The following LDHAL6B variants were observed in gnomAD, a reference collection of about 807,000 sequenced individuals.
The protein encoded by LDHAL6B is lactate dehydrogenase A like 6B.
For synonymous variants in LDHAL6B, 205 were observed against 170.6 expected, an observed-to-expected ratio of 1.20 and a Z score of -1.57; for missense variants, 523 against 473.9, an observed-to-expected ratio of 1.10 and a Z score of -0.96.
At position 59,207,395 on chromosome 15, in the gene LDHAL6B, G is replaced by A; in HGVS notation, c.455G>A (p.Gly152Glu). ...ACAGCAGGTGCACGCCAAGAAAAGGGAGAAACGCGCCTTAATTTAGTCCAG... is the reference window on the plus strand; with the variant it reads ...ACAGCAGGTGCACGCCAAGAAAAGGAAGAAACGCGCCTTAATTTAGTCCAG... ...IITAGARQEK[G>E]ETRLNLVQRN... The change falls in exon 1 of 1, where the codon GGA becomes GAA. Residue 152 changes from glycine (G) to glutamate (E), a missense_variant. Coordinates refer to ENST00000307144, the MANE Select transcript of LDHAL6B (RefSeq NM_033195.3). The A allele has an allele frequency of 6.2e-7, 1 of 1,614,038 alleles. No homozygotes were observed. Among genetic ancestry groups the A allele is most frequent in the Non-Finnish European group, 8.5e-7 (1 of 1,179,904 alleles).
At position 59,207,568 on chromosome 15, in the gene LDHAL6B, AGCG is replaced by A. The variant is rs2079846642; in HGVS notation, c.631_633del (p.Gly211del). On this transcript the variant is annotated inframe_deletion, in exon 1 of 1. Transcript: ENST00000307144. ...ATTTCCCAAAAACCGTATTATTGGA[AGCG>A]GCTGTAATCTGGATACTGCTCGTTT... is the stretch of plus-strand genomic sequence containing the variant. 9 of 1,614,126 alleles carry A rather than the reference AGCG, an allele frequency of 5.6e-6. No individual in the cohort carries two copies. In the East Asian group the frequency reaches 2.0e-4, roughly 36 times the overall value.
At chr15:59,207,603 CTT>C in the LDHAL6B span, 8 of 1,614,110 alleles carry the variant, frequency 5.0e-6, no homozygotes, top group Non-Finnish European at 6.8e-6. Context: ...GTTTTCGTTT[CTT>C]GATTGGACAA....
At position 59,207,496 on chromosome 15, in the gene LDHAL6B, T is replaced by G. The variant is rs1298775258; in HGVS notation, c.556T>G (p.Ser186Ala). Residue 186 changes from serine (S) to alanine (A), a missense_variant, in exon 1 of 1, where the codon TCC (serine) becomes GCC (alanine). Ser to Ala is a moderately conservative substitution (Grantham distance 99). Transcript: ENST00000307144. Reference protein sequence around the residue: ...YSPHCKLIIVSNPVDILTYVA... With the variant: ...YSPHCKLIIVANPVDILTYVA... ...CCCCCACTGCAAACTGATTATTGTT[T>G]CCAATCCAGTGGATATCTTAACTTA... is the stretch of plus-strand genomic sequence containing the variant. 2 of 1,614,042 alleles carry G rather than the reference T, an allele frequency of 1.2e-6. No individual in the cohort carries two copies. Among genetic ancestry groups the G allele is most frequent in the Non-Finnish European group, 1.7e-6 (2 of 1,179,908 alleles).
Position 59,207,678 on chromosome 15 carries a change from T to C in LDHAL6B, c.738T>C (p.Ser246=). 6.2e-7 allele frequency: 1 copy of C among 1,614,212 alleles called. No homozygotes were observed. The highest frequency in any genetic ancestry group is 8.5e-7 in the Non-Finnish European group (1 of 1,180,030). ...TCCTCGGAGAGCATGGAGACTCAAG[T>C]GTTCCTGTGTGGAGTGGAGTGAACA... is the stretch of plus-strand genomic sequence containing the variant. ...GWILGEHGDS[S]VPVWSGVNIA... Residue 246 remains serine (S), a synonymous_variant, in exon 1 of 1, where the codon AGT becomes AGC. Transcript: ENST00000307144.
In LDHAL6B at chr15:59,207,450, T is replaced by G; in HGVS notation, c.510T>G (p.Ile170Met). The G allele has an allele frequency of 6.2e-7, 1 of 1,614,046 alleles. No individual in the cohort carries two copies. The highest frequency in any genetic ancestry group is 1.1e-5 in the South Asian group (1 of 91,082). Residue 170 changes from isoleucine (I) to methionine (M), a missense_variant, in exon 1 of 1, where the codon ATT (isoleucine) becomes ATG (methionine). By Grantham distance (10) the Ile-to-Met change is conservative. Coordinates refer to ENST00000307144, the MANE Select transcript of LDHAL6B (RefSeq NM_033195.3). The part of the protein sequence containing the change: ...QRNVAIFKLM[I>M]SSIVQYSPHC... The stretch of plus-strand genomic sequence containing the variant: ...ATGTGGCCATCTTCAAGTTAATGAT[T>G]TCCAGTATTGTCCAGTACAGCCCCC...
At position 59,208,153 on chromosome 15, in the gene LDHAL6B, T is replaced by G. The variant is rs376745688; in HGVS notation, c.*67T>G. ...TAGATACAGGATTATATAACGAAAT[T>G]TTGAATAAACTTGAATTCCTAAAAG... On this transcript the variant is annotated 3_prime_UTR_variant, in exon 1 of 1. Transcript: ENST00000307144. 176 of 1,394,822 alleles carry G rather than the reference T, an allele frequency of 1.3e-4. 2 individuals carry two copies. The East Asian group carries it at 3.6e-3, about 29-fold the overall frequency. 86.4% of individuals were successfully genotyped at this position (1,394,822 alleles called of 1,614,324 possible).
rs1420997553 is a variant in LDHAL6B at position 59,207,970 on chromosome 15, C to T, written c.1030C>T (p.Leu344=). 4 of 1,614,032 alleles carry T rather than the reference C, an allele frequency of 2.5e-6. No homozygotes were observed. Among genetic ancestry groups the T allele is most frequent in the African/African-American group, 1.3e-5 (1 of 75,012 alleles). The change falls in exon 1 of 1, where the codon CTG becomes TTG. Residue 344 remains leucine, a synonymous_variant. Transcript: ENST00000307144. ...AGTATTCCTCAGTATTCCTTGTATC[C>T]TGGGAGAGAACGGTATTACCAACCT... ...EEVFLSIPCI[L]GENGITNLIK... is the part of the protein sequence containing the mutation.
In LDHAL6B at chr15:59,208,534, C is replaced by CT; in HGVS notation, c.*452dup. 2 of 998,168 alleles carry CT rather than the reference C, an allele frequency of 2.0e-6. No individual in the cohort carries two copies. Among genetic ancestry groups the CT allele is most frequent in the South Asian group, 2.8e-5 (2 of 71,440 alleles). 61.8% of individuals were successfully genotyped at this position (998,168 alleles called of 1,614,324 possible). On this transcript the variant is annotated 3_prime_UTR_variant, in exon 1 of 1. Transcript: ENST00000307144. ...AAAAAAATGCAGTAGTATATACAAT[C>CT]TTTTGTTTTGCTTCCTTTGATAGTT...
chr15:59,207,551 A>G lies in LDHAL6B; in HGVS notation c.611A>G (p.Lys204Arg), dbSNP rs112956314. The G allele has an allele frequency of 1.2e-6, 2 of 1,614,096 alleles. No individual in the cohort carries two copies. Among genetic ancestry groups the G allele is most frequent in the African/African-American group, 2.7e-5 (2 of 75,042 alleles). ...YVAWKLSAFP[K>R]NRIIGSGCNL... is the part of the protein sequence containing the mutation. ...GCTTGGAAGTTGAGTGCATTTCCCA[A>G]AAACCGTATTATTGGAAGCGGCTGT... The change falls in exon 1 of 1, where the codon AAA becomes AGA. Residue 204 changes from lysine (K) to arginine (R), a missense_variant. Coordinates refer to ENST00000307144, the MANE Select transcript of LDHAL6B (RefSeq NM_033195.3).
In LDHAL6B at chr15:59,207,334, T is replaced by A. The variant is rs2079844140; in HGVS notation, c.394T>A (p.Tyr132Asn). 2 of 1,614,082 alleles carry A rather than the reference T, an allele frequency of 1.2e-6. No individual in the cohort carries two copies. The highest frequency in any genetic ancestry group is 1.7e-6 in the Non-Finnish European group (2 of 1,179,938). ...KMPNIVCSKD[Y>N]FVTANSNLVI... ...GCCAAATATTGTTTGTAGCAAAGATTACTTTGTCACAGCAAACTCCAACCT... is the reference window on the plus strand; with the variant it reads ...GCCAAATATTGTTTGTAGCAAAGATAACTTTGTCACAGCAAACTCCAACCT... The change falls in exon 1 of 1, where the codon TAC becomes AAC. Residue 132 changes from tyrosine to asparagine, a missense_variant. Tyr to Asn is a moderately radical substitution (Grantham distance 143). Transcript: ENST00000307144.
At position 59,206,859 on chromosome 15, in the gene LDHAL6B, T is replaced by C. The variant is rs1347612591; in HGVS notation, c.-82T>C. 1 of 1,429,266 alleles carries C rather than the reference T, an allele frequency of 7.0e-7. No individual in the cohort carries two copies. Among genetic ancestry groups the C allele is most frequent in the East Asian group, 2.4e-5 (1 of 41,326 alleles). 88.5% of individuals were successfully genotyped at this position (1,429,266 alleles called of 1,614,324 possible). On this transcript the variant is annotated 5_prime_UTR_variant, in exon 1 of 1. Coordinates refer to ENST00000307144, the MANE Select transcript of LDHAL6B (RefSeq NM_033195.3). ...ACCTGCCGTAGAGTGCTGAAGGTCC[T>C]GCCAACGGCTCTCTTGGCGTCTCAA...
chr15:59,207,713 T>TC, the LDHAL6B span: 1 of 1,614,054 alleles, frequency 6.2e-7, no homozygotes, highest in Non-Finnish European at 8.5e-7. Flanking sequence ...ATAGCTGGTG[T>TC]CCCTTTGAAG....
chr15:59,207,541 G>C lies in LDHAL6B; in HGVS notation c.601G>C (p.Ala201Pro). ...ILTYVAWKLS[A>P]FPKNRIIGSG... ...AACTTATGTAGCTTGGAAGTTGAGT[G>C]CATTTCCCAAAAACCGTATTATTGG... is the stretch of plus-strand genomic sequence containing the variant. The change falls in exon 1 of 1, where the codon GCA becomes CCA. Residue 201 changes from alanine to proline, a missense_variant. Coordinates refer to ENST00000307144, the MANE Select transcript of LDHAL6B (RefSeq NM_033195.3). 5 of 1,614,040 alleles carry C rather than the reference G, an allele frequency of 3.1e-6. No homozygotes were observed. Among genetic ancestry groups the C allele is most frequent in the Non-Finnish European group, 4.2e-6 (5 of 1,179,934 alleles).
rs770545957 is a variant in LDHAL6B at position 59,207,240 on chromosome 15, G to C, written c.300G>C (p.Val100=). ...GCTTGAGTGATGAACTTGCCCTTGT[G>C]GATCTTGATGAAGACAAACTGAAGG... ...LKGLSDELAL[V]DLDEDKLKGE... The change falls in exon 1 of 1, where the codon GTG becomes GTC. Residue 100 remains valine, a synonymous_variant. Transcript: ENST00000307144. 1 of 1,614,058 alleles carries C rather than the reference G, an allele frequency of 6.2e-7. No homozygotes were observed. Among genetic ancestry groups the C allele is most frequent in the African/African-American group, 1.3e-5 (1 of 74,894 alleles).
rs755931407 is a variant in LDHAL6B, at chr15:59,207,965, G to C, written c.1025G>C (p.Cys342Ser). ...IDEEVFLSIPCILGENGITNL... is the reference protein window; with the variant it reads ...IDEEVFLSIPSILGENGITNL... ...GAAGAAGTATTCCTCAGTATTCCTTGTATCCTGGGAGAGAACGGTATTACC... is the reference window on the plus strand; with the variant it reads ...GAAGAAGTATTCCTCAGTATTCCTTCTATCCTGGGAGAGAACGGTATTACC... The change falls in exon 1 of 1, where the codon TGT becomes TCT. Residue 342 changes from cysteine to serine, a missense_variant. Physicochemically the swap from Cys to Ser is moderately radical, Grantham distance 112 (BLOSUM62 -1). Transcript: ENST00000307144. 5 of 1,614,070 alleles carry C rather than the reference G, an allele frequency of 3.1e-6. No homozygotes were observed. In the East Asian group the frequency reaches 1.1e-4, roughly 36 times the overall value.
rs1415970912 is a variant in LDHAL6B at position 59,207,399 on chromosome 15, A to G, written c.459A>G (p.Glu153=). 6.2e-7 allele frequency: 1 copy of G among 1,614,052 alleles called. No homozygotes were observed. Among genetic ancestry groups the G allele is most frequent in the East Asian group, 2.2e-5 (1 of 44,896 alleles). The change falls in exon 1 of 1, where the codon GAA becomes GAG. Residue 153 remains glutamate, a synonymous_variant. Transcript: ENST00000307144. Reference sequence around the variant, plus strand: ...CAGGTGCACGCCAAGAAAAGGGAGAAACGCGCCTTAATTTAGTCCAGCGAA... The same window carrying G: ...CAGGTGCACGCCAAGAAAAGGGAGAGACGCGCCTTAATTTAGTCCAGCGAA... ...ITAGARQEKG[E]TRLNLVQRNV...
At position 59,208,533 on chromosome 15, in the gene LDHAL6B, T is replaced by C; in HGVS notation, c.*447T>C. 1 of 973,360 alleles carries C rather than the reference T, an allele frequency of 1.0e-6. No individual in the cohort carries two copies. Among genetic ancestry groups the C allele is most frequent in the South Asian group, 1.4e-5 (1 of 70,720 alleles). 60.3% of individuals were successfully genotyped at this position (973,360 alleles called of 1,614,324 possible). A position where few individuals can be genotyped will look rare whatever the true frequency, so the allele number is the denominator to read the frequency against. ...CAAAAAAATGCAGTAGTATATACAA[T>C]CTTTTGTTTTGCTTCCTTTGATAGT... On this transcript the variant is annotated 3_prime_UTR_variant, in exon 1 of 1. Transcript: ENST00000307144.
Position 59,208,318 on chromosome 15 carries a change from T to C in LDHAL6B, c.*232T>C, listed in dbSNP as rs2079853983. 1.8e-6 allele frequency: 1 copy of C among 559,726 alleles called. No individual in the cohort carries two copies. The highest frequency in any genetic ancestry group is 3.2e-6 in the Non-Finnish European group (1 of 314,218). 34.7% of individuals were successfully genotyped at this position (559,726 alleles called of 1,614,324 possible). On this transcript the variant is annotated 3_prime_UTR_variant, in exon 1 of 1. Coordinates refer to ENST00000307144, the MANE Select transcript of LDHAL6B (RefSeq NM_033195.3). ...ACCTCTGATGTAGCAGCACTTGCCA[T>C]GTTATATATATGTAGTTGGCATTTG...
rs370941988 is a variant in LDHAL6B, at chr15:59,208,194, T to G, written c.*108T>G. ...TTCCTAAAAGATGGAAACAGGAAAGTAGGTAGAGTGATTTTCCTATTTATT... is the reference window on the plus strand; with the variant it reads ...TTCCTAAAAGATGGAAACAGGAAAGGAGGTAGAGTGATTTTCCTATTTATT... On this transcript the variant is annotated 3_prime_UTR_variant, in exon 1 of 1. Transcript: ENST00000307144. The G allele has an allele frequency of 6.2e-5, 63 of 1,015,336 alleles. No individual in the cohort carries two copies. Among genetic ancestry groups the G allele is most frequent in the Non-Finnish European group, 7.1e-5 (50 of 705,198 alleles). The allele number at this position is 1,015,336 out of a possible 1,614,324, so 62.9% of individuals were successfully genotyped here.
Sources: gnomAD v4.1 joint callset for allele counts on GRCh38, gnomAD v4.1.1 for gene constraint, MANE v1.5 for transcripts, NCBI Gene and HGNC (gene_info 2026-07-23, HGNC 2026-07-21) for gene names.